Variants in MINDY1 observed in about 807,000 individuals in gnomAD.
The protein encoded by MINDY1 is ubiquitin carboxyl-terminal hydrolase MINDY-1.
Under a neutral mutation model 53.6 loss-of-function variants are expected in MINDY1, and 50 were observed. The observed-to-expected ratio is 0.93, with a 90% CI of 0.74 to 1.18. The LOEUF is 1.18. Ranked by LOEUF, MINDY1 falls within the 50% of genes most tolerant of loss-of-function variation. The pLI is 0.00. For missense variants in MINDY1, 484 were observed against 578.6 expected, an observed-to-expected ratio of 0.84 and a Z score of 1.68; for synonymous variants, 231 against 234.7, an observed-to-expected ratio of 0.98 and a Z score of 0.14.
intron 7 of MINDY1, among the ~76,000 whole-genome samples, chr1:150,998,962 C>A (rs113180105): frequency 4.6e-5 from 7 of 152,296 alleles, no homozygotes; most frequent in African/African-American, 1.7e-4. Flanking sequence ...TCCACTGCCC[C>A]CTCCTAGGGG....
At chr1:151,003,771 T>C (rs1672824932) in intron 1 of MINDY1, among the ~76,000 whole-genome samples, 1 of 152,002 alleles carries the variant, frequency 6.6e-6, no homozygotes, top group African/African-American at 2.4e-5. Flanking sequence ...TTCATTTTTT[T>C]TCCCCAGAAA....
intron 9 of MINDY1, 85 bp downstream of exon 9, chr1:150,997,539 G>A (rs374833584): frequency 1.3e-5 from 20 of 1,596,906 alleles, no homozygotes; most frequent in East Asian, 1.1e-4. Flanking sequence ...ACCTTGAAGA[G>A]ACCAGTGCAG....
chr1:150,998,058 A>C (rs772222225), intron 8 of MINDY1, 24 bp downstream of exon 8: 4 of 1,591,806 alleles, frequency 2.5e-6, no homozygotes, highest in Non-Finnish European at 3.4e-6. Context: ...TGCTCTCTGC[A>C]CTTTTCCTAA....
intron 1 of MINDY1, chr1:151,003,115 A>G (rs1672763808): frequency 2.9e-6 from 1 of 350,016 alleles, no homozygotes. Context: ...TCTAATAGGC[A>G]TCACATCAGT....
At position 151,004,775 on chromosome 1, in the gene MINDY1, ATAAAATAAAATAAAT is replaced by A. The variant is rs1392366632; in HGVS notation, c.-90+1522_-90+1536del. On this transcript the variant is annotated intron_variant, in intron 1 of 9. Coordinates refer to ENST00000683666, the MANE Select transcript of MINDY1 (RefSeq NM_001376665.1). ...ATAAAATAAAATAAAATAAAATAAA[ATAAAATAAAATAAAT>A]TAAACTAGTTAGAAATCTTGTCTTT... Among the ~76,000 whole-genome samples the A allele has an allele frequency of 1.1e-3, 70 of 62,114 alleles. 1 individual carries two copies. In the Middle Eastern group the frequency reaches 0.029, roughly 26 times the overall value. 40.7% of individuals were successfully genotyped at this position (62,114 alleles called of 152,430 possible).
At position 151,002,577 on chromosome 1, in the gene MINDY1, G is replaced by A; in HGVS notation, c.41C>T (p.Ala14Val). 1.2e-6 allele frequency: 2 copies of A among 1,614,232 alleles called. No individual in the cohort carries two copies. Among genetic ancestry groups the A allele is most frequent in the East Asian group, 4.5e-5 (2 of 44,888 alleles). ...HQPEDPAPGK[A>V]GTAEAVIPEN... ...AGGGATGACTGCTTCTGCAGTCCCGGCCTTACCAGGGGCTGGATCCTCAGG... is the reference window on the plus strand; with the variant it reads ...AGGGATGACTGCTTCTGCAGTCCCGACCTTACCAGGGGCTGGATCCTCAGG... Residue 14 changes from alanine to valine, a missense_variant, in exon 2 of 10, where the codon GCC becomes GTC. Ala to Val is a moderately conservative substitution (Grantham distance 64). Transcript: ENST00000683666. This position sits in a 1 kb window ranked among gnomAD's most constrained non-coding sequence, Gnocchi z 4.1.
At chr1:151,004,829 C>A (rs1168765832) in intron 1 of MINDY1, among the ~76,000 whole-genome samples, 3 of 152,118 alleles carry the variant, frequency 2.0e-5, no homozygotes, top group African/African-American at 7.2e-5. Context: ...CCACCCTCCT[C>A]CCAGCCTGAG....
intron 9 of MINDY1, 92 bp from the exon 10 acceptor site, chr1:150,997,459 G>A (rs1571705700): frequency 2.6e-6 from 4 of 1,539,266 alleles, no homozygotes; most frequent in East Asian, 2.4e-5. Context: ...GGGACAGAGA[G>A]TAGGGAGAGG....
Position 151,002,668 on chromosome 1 carries a change from G to A in MINDY1, c.-51C>T. 1 of 1,613,518 alleles carries A rather than the reference G, an allele frequency of 6.2e-7. No individual in the cohort carries two copies. Among genetic ancestry groups the A allele is most frequent in the South Asian group, 1.1e-5 (1 of 91,062 alleles). ...CACTGAAGGTGTTTACTAACCTCAG[G>A]GACTTGCCTAAGCCAGGCTTGGGAT... On this transcript the variant is annotated 5_prime_UTR_variant, in exon 2 of 10. Transcript: ENST00000683666. The surrounding 1 kb of genome is among the most constrained non-coding windows in gnomAD (Gnocchi z 4.1).
rs369885475 is a variant in MINDY1 at position 151,000,447 on chromosome 1, C to T, written c.735+10G>A. On this transcript the variant is annotated intron_variant, in intron 5 of 9. Transcript: ENST00000683666. ...CTGGATAAGGTCCCAGTGGGCCCTC[C>T]CACCCTCACCTGTGGATCAACAAGC... is the stretch of plus-strand genomic sequence containing the variant. The T allele has an allele frequency of 2.5e-6, 4 of 1,590,690 alleles. No individual in the cohort carries two copies. Among genetic ancestry groups the T allele is most frequent in the Non-Finnish European group, 3.4e-6 (4 of 1,168,716 alleles).
chr1:151,007,600 C>T (rs1673368441), upstream of MINDY1, among the ~76,000 whole-genome samples: 1 of 152,212 alleles, frequency 6.6e-6, no homozygotes, highest in Non-Finnish European at 1.5e-5. Flanking sequence ...TCTCATCAGT[C>T]ACCTCCTCTC....
rs1251280372 is a variant in MINDY1 at position 150,999,589 on chromosome 1, C to G, written c.839-78G>C. ...ACAGGAAGGACCATCCAGAGAGCCC[C>G]TGTCAAAAGCCCCGGGGGGTCAGTC... On this transcript the variant is annotated intron_variant, in intron 6 of 9. Transcript: ENST00000683666. The surrounding 1 kb of genome is among the most constrained non-coding windows in gnomAD (Gnocchi z 4.4). 2 of 1,575,170 alleles carry G rather than the reference C, an allele frequency of 1.3e-6. No individual in the cohort carries two copies. Among genetic ancestry groups the G allele is most frequent in the African/African-American group, 2.7e-5 (2 of 73,890 alleles).
At chr1:151,001,559 G>A (rs958845394) in intron 3 of MINDY1, among the ~76,000 whole-genome samples, 166 bp downstream of exon 3, 1 of 152,204 alleles carries the variant, frequency 6.6e-6, no homozygotes, top group African/African-American at 2.4e-5. Context: ...GACTCCCGAC[G>A]CCTTTGCTTT....
Position 151,006,466 on chromosome 1 carries a change from G to A in MINDY1, c.-244C>T, listed in dbSNP as rs1428024182. 12 of 1,131,310 alleles carry A rather than the reference G, an allele frequency of 1.1e-5. No homozygotes were observed. In the East Asian group the frequency reaches 5.2e-4, roughly 49 times the overall value. The allele number at this position is 1,131,310 out of a possible 1,614,324, so 70.1% of individuals were successfully genotyped here. A position where few individuals can be genotyped will look rare whatever the true frequency, so the allele number is the denominator to read the frequency against. On this transcript the variant is annotated 5_prime_UTR_variant, in exon 1 of 10. Transcript: ENST00000683666. ...TACAGGTTTACACAGCTTTATAAGC[G>A]ACGGTCCAGGCTGGGTTGTGGCCAC... is the stretch of plus-strand genomic sequence containing the variant.
At chr1:150,998,485 G>A (rs1672123804) in intron 7 of MINDY1, among the ~76,000 whole-genome samples, 1 of 152,178 alleles carries the variant, frequency 6.6e-6, no homozygotes, top group African/African-American at 2.4e-5. Context: ...CTCCCAAGTA[G>A]CTGGGACTAC....
At chr1:150,997,945 C>T (rs2102821990) in intron 8 of MINDY1, 137 bp downstream of exon 8, 2 of 1,163,502 alleles carry the variant, frequency 1.7e-6, no homozygotes, top group African/African-American at 3.1e-5. Context: ...AGAATACACA[C>T]CAAGTGAGGA....
chr1:150,998,588 C>T (rs1170839291), intron 7 of MINDY1, among the ~76,000 whole-genome samples: 1 of 152,188 alleles, frequency 6.6e-6, no homozygotes, highest in Non-Finnish European at 1.5e-5. Flanking sequence ...GATCTCCTGA[C>T]CTCATGATCT....
Position 150,999,822 on chromosome 1 carries a change from TC to T in MINDY1, c.838+39del, listed in dbSNP as rs1339975495. The T allele has an allele frequency of 6.5e-7, 1 of 1,542,512 alleles. No individual in the cohort carries two copies. The highest frequency in any genetic ancestry group is 1.1e-5 in the South Asian group (1 of 89,302). ...AAAAATAAGCCTAAGTAGCTGTCAT[TC>T]CCTCCACATACTATCCATGAGAAGG... On this transcript the variant is annotated intron_variant, in intron 6 of 9. Transcript: ENST00000683666. The surrounding 1 kb of genome is among the most constrained non-coding windows in gnomAD (Gnocchi z 4.4).
Position 150,999,444 on chromosome 1 carries a change from C to T in MINDY1, c.906G>A (p.Leu302=). Residue 302 remains leucine (L), a synonymous_variant, in exon 7 of 10, where the codon CTG becomes CTA. Coordinates refer to ENST00000683666, the MANE Select transcript of MINDY1 (RefSeq NM_001376665.1). This position sits in a 1 kb window ranked among gnomAD's most constrained non-coding sequence, Gnocchi z 4.4. ...GTTCACCCTCCTTAGCAGCTGCTGT[C>T]AGCTCACACAGTCCGTGGTAGGTCA... ...AQLTYHGLCE[L]TAAAKEGELS... is the part of the protein sequence containing the mutation. 3.1e-6 allele frequency: 5 copies of T among 1,614,186 alleles called. No individual in the cohort carries two copies. Among genetic ancestry groups the T allele is most frequent in the Non-Finnish European group, 4.2e-6 (5 of 1,180,038 alleles).
Sources: allele counts gnomAD v4.1 joint callset (sites outside exome capture counted in the v4.1 genomes callset), GRCh38; gene constraint gnomAD v4.1.1; non-coding constraint Gnocchi (gnomAD v3.1); transcripts MANE v1.5; gene names NCBI Gene and HGNC (gene_info 2026-07-23, HGNC 2026-07-21).